FBXL7: variants seen among roughly 807,000 people sequenced by gnomAD.
The protein encoded by FBXL7 is F-box/LRR-repeat protein 7.
A neutral mutation model predicts 38.3 loss-of-function variants in FBXL7; 12 were observed. The ratio of observed to expected loss-of-function variants is 0.31; its 90% CI spans 0.20 to 0.51. The LOEUF is 0.51. FBXL7 is among the 20% of genes least tolerant of loss of function. The pLI is 0.98. For synonymous variants in FBXL7, 297 were observed against 300.9 expected (o/e 0.99, Z 0.13); for missense variants, 567 against 676.4 (o/e 0.84, Z 1.79).
chr5:15,813,420 T>C (rs535231200), intron 2 of FBXL7, among the ~76,000 whole-genome samples: 1 of 152,272 alleles, frequency 6.6e-6, no homozygotes, highest in Non-Finnish European at 1.5e-5. Flanking sequence ...TATACAAAAA[T>C]TAACTCAAGA....
chr5:15,783,127 G>A (rs982293355), intron 2 of FBXL7, among the ~76,000 whole-genome samples: 10 of 152,154 alleles, frequency 6.6e-5, no homozygotes, highest in Admixed American at 5.9e-4. Flanking sequence ...ATTTTTGCAT[G>A]AGAACGACTG....
chr5:15,704,814 A>T (rs1179729415), intron 2 of FBXL7, among the ~76,000 whole-genome samples: 1 of 152,194 alleles, frequency 6.6e-6, no homozygotes, highest in African/African-American at 2.4e-5. Flanking sequence ...CTTGAAGGGC[A>T]GCACTTGGGT....
At chr5:15,739,976 C>T (rs1415372092) in intron 2 of FBXL7, among the ~76,000 whole-genome samples, 2 of 152,194 alleles carry the variant, frequency 1.3e-5, no homozygotes, top group Non-Finnish European at 2.9e-5. Flanking sequence ...CTATTCACCA[C>T]AAAGGCTGCT....
chr5:15,631,136 G>A (rs1322114948), intron 2 of FBXL7, among the ~76,000 whole-genome samples: 3 of 152,060 alleles, frequency 2.0e-5, no homozygotes, highest in African/African-American at 7.2e-5. Context: ...AATCCCAACA[G>A]GGTTTTAATG....
In FBXL7 at chr5:15,936,335, A is replaced by C; in HGVS notation, c.740-115A>C. 1 of 1,266,514 alleles carries C rather than the reference A, an allele frequency of 7.9e-7. No individual in the cohort carries two copies. Among genetic ancestry groups the C allele is most frequent in the Non-Finnish European group, 1.1e-6 (1 of 933,348 alleles). The allele number at this position is 1,266,514 out of a possible 1,614,324, so 78.5% of individuals were successfully genotyped here. On this transcript the variant is annotated intron_variant, in intron 3 of 3. Transcript: ENST00000504595. The surrounding 1 kb of genome is among the most constrained non-coding windows in gnomAD (Gnocchi z 6.0). ...TATAGAGACCAAGACAGGAAAGGGT[A>C]ACATCAGCCTCGGACCCAGACTTGG... is the stretch of plus-strand genomic sequence containing the variant.
intron 2 of FBXL7, among the ~76,000 whole-genome samples, chr5:15,691,751 C>A (rs913024092): frequency 1.3e-5 from 2 of 152,196 alleles, no homozygotes; most frequent in Non-Finnish European, 2.9e-5. Context: ...TGGCCTAATT[C>A]TCTTTAGCCT....
chr5:15,683,397 AC>A (rs1220565549), intron 2 of FBXL7, among the ~76,000 whole-genome samples: 1 of 152,058 alleles, frequency 6.6e-6, no homozygotes, highest in East Asian at 1.9e-4. Context: ...GAGTCACCTA[AC>A]CCTGCTGGGG....
intron 2 of FBXL7, among the ~76,000 whole-genome samples, chr5:15,619,753 G>A (rs917309211): frequency 2.6e-5 from 4 of 152,148 alleles, no homozygotes; most frequent in Non-Finnish European, 2.9e-5. Context: ...GAAAACCATG[G>A]CTATACCTTT....
intron 2 of FBXL7, among the ~76,000 whole-genome samples, chr5:15,743,538 C>T (rs957173258): frequency 1.3e-5 from 2 of 152,246 alleles, no homozygotes; most frequent in African/African-American, 4.8e-5. Flanking sequence ...ACAGCACCCC[C>T]TCCCAGCTGC....
intron 2 of FBXL7, among the ~76,000 whole-genome samples, chr5:15,898,822 T>G (rs1373868822): frequency 2.0e-5 from 3 of 152,214 alleles, no homozygotes; most frequent in African/African-American, 7.2e-5. Context: ...CCTCAGTTTC[T>G]GTTGCCTTTC....
chr5:15,766,221 G>A (rs1045699029), intron 2 of FBXL7, among the ~76,000 whole-genome samples: 1 of 152,166 alleles, frequency 6.6e-6, no homozygotes, highest in African/African-American at 2.4e-5. Flanking sequence ...AGCCTTCCAT[G>A]AAACTTCTTT....
intron 1 of FBXL7, among the ~76,000 whole-genome samples, chr5:15,517,365 A>C (rs1259114526): frequency 6.6e-6 from 1 of 152,226 alleles, no homozygotes; most frequent in African/African-American, 2.4e-5. Flanking sequence ...TAAAGCATTC[A>C]GTGAAAGACG....
At chr5:15,782,143 C>T (rs1737012019) in intron 2 of FBXL7, among the ~76,000 whole-genome samples, 1 of 152,090 alleles carries the variant, frequency 6.6e-6, no homozygotes, top group Non-Finnish European at 1.5e-5. Context: ...CATCCATGTC[C>T]CTGCAAAGGA....
At chr5:15,857,707 G>C (rs1030097752) in intron 2 of FBXL7, among the ~76,000 whole-genome samples, 43 of 152,154 alleles carry the variant, frequency 2.8e-4, no homozygotes, top group Non-Finnish European at 7.4e-5. Flanking sequence ...GGCAAAGTGA[G>C]AAATCAATAC....
chr5:15,740,408 A>G (rs1172671568), intron 2 of FBXL7, among the ~76,000 whole-genome samples: 2 of 152,200 alleles, frequency 1.3e-5, no homozygotes, highest in Non-Finnish European at 2.9e-5. Flanking sequence ...TCCATTTAAC[A>G]TCATGTTACA....
In FBXL7 at chr5:15,829,068, G is replaced by A. The variant is rs193151025; in HGVS notation, c.128-98822G>A. Among the ~76,000 whole-genome samples the A allele has an allele frequency of 1.8e-4, 28 of 152,278 alleles. No individual in the cohort carries two copies. The East Asian group carries it at 5.0e-3, about 27-fold the overall frequency. On this transcript the variant is annotated intron_variant, in intron 2 of 3. Coordinates refer to ENST00000504595, the MANE Select transcript of FBXL7 (RefSeq NM_012304.5). ...AAGATTCATGATCTACTGAAGCCCA[G>A]GTCACTGCCCCGCATTATTAGGTTT... is the stretch of plus-strand genomic sequence containing the variant.
At chr5:15,590,813 G>A (rs1224435236) in intron 1 of FBXL7, among the ~76,000 whole-genome samples, 2 of 152,100 alleles carry the variant, frequency 1.3e-5, no homozygotes, top group African/African-American at 2.4e-5. Context: ...AGTCCTGCTC[G>A]ATAAAGCAGG....
intron 2 of FBXL7, among the ~76,000 whole-genome samples, chr5:15,685,311 G>A (rs747793077): frequency 2.6e-5 from 4 of 152,060 alleles, no homozygotes; most frequent in African/African-American, 9.7e-5. Flanking sequence ...GATGCTTTTC[G>A]AATACAGGAT....
chr5:15,823,220 C>T (rs1164407825), intron 2 of FBXL7, among the ~76,000 whole-genome samples: 2 of 152,160 alleles, frequency 1.3e-5, no homozygotes, highest in African/African-American at 4.8e-5. Context: ...TGAGTAGACA[C>T]ATGTACATTA....
Sources: gnomAD v4.1 joint callset for allele counts (sites outside exome capture counted in the v4.1 genomes callset) on GRCh38, gnomAD v4.1.1 for gene constraint, Gnocchi (gnomAD v3.1) non-coding constraint, MANE v1.5 for transcripts, NCBI Gene and HGNC (gene_info 2026-07-23, HGNC 2026-07-21) for gene names.